Variants in BRIP1 observed in about 807,000 individuals in gnomAD.
BRIP1 encodes Fanconi anemia group J protein.
In BRIP1, 88 loss-of-function variants were observed where a neutral mutation model predicts 119.7. That is an observed-to-expected ratio of 0.74 (90% CI 0.62 to 0.88). The LOEUF is 0.88. Among genes scored for constraint, BRIP1 ranks in the 40% least tolerant of loss-of-function variants. The pLI is 0.00. For synonymous variants in BRIP1, 443 were observed against 496.5 expected, an observed-to-expected ratio of 0.89 and a Z score of 1.43; for missense variants, 1,259 against 1,455.4, an observed-to-expected ratio of 0.87 and a Z score of 2.20.
At position 61,796,605 on chromosome 17, in the gene BRIP1, T is replaced by C. The variant is rs143705675; in HGVS notation, c.1340+2495A>G. The stretch of plus-strand genomic sequence containing the variant: ...TTTCTGAGTTCTCTATTCTGTTCCA[T>C]TGATCTGTGTGTCTGTTTTTATGCC... On this transcript the variant is annotated intron_variant, in intron 9 of 19. Coordinates refer to ENST00000259008, the MANE Select transcript of BRIP1 (RefSeq NM_032043.3). This position sits in a 1 kb window ranked among gnomAD's most constrained non-coding sequence, Gnocchi z 4.8. Among the ~76,000 whole-genome samples the C allele has an allele frequency of 5.6e-3, 852 of 152,200 alleles. 8 individuals carry two copies. The highest frequency in any genetic ancestry group is 0.019 in the African/African-American group (803 of 41,566).
chr17:61,693,679 A>G lies in BRIP1; in HGVS notation c.2493-167T>C, dbSNP rs115344874. On this transcript the variant is annotated intron_variant, in intron 17 of 19. Transcript: ENST00000259008. This position sits in a 1 kb window ranked among gnomAD's most constrained non-coding sequence, Gnocchi z 4.2. ...GCTATCCAACACAATGTAACAAACT[A>G]GATGTATTAAAAATTCCCTACTTTT... Among the ~76,000 whole-genome samples the G allele has an allele frequency of 2.7e-3, 407 of 152,302 alleles. 1 individual carries two copies. Among genetic ancestry groups the G allele is most frequent in the Middle Eastern group, 0.01 (3 of 294 alleles).
chr17:61,849,773 C>T (rs1209508760), intron 4 of BRIP1, among the ~76,000 whole-genome samples: 1 of 152,148 alleles, frequency 6.6e-6, no homozygotes, highest in African/African-American at 2.4e-5. Context: ...CAAATGTGAA[C>T]ACTAGGTTTT....
Position 61,725,392 on chromosome 17 carries a change from T to C in BRIP1, c.2380-9329A>G, listed in dbSNP as rs944362173. Among the ~76,000 whole-genome samples, 19 of 152,310 alleles carry C rather than the reference T, an allele frequency of 1.2e-4. No individual in the cohort carries two copies. The highest frequency in any genetic ancestry group is 1.2e-3 in the Admixed American group (19 of 15,288). On this transcript the variant is annotated intron_variant, in intron 16 of 19. Coordinates refer to ENST00000259008, the MANE Select transcript of BRIP1 (RefSeq NM_032043.3). The surrounding 1 kb of genome is among the most constrained non-coding windows in gnomAD (Gnocchi z 5.3). The stretch of plus-strand genomic sequence containing the variant: ...GTGCTTTTTTTGGTAGAGAAATCTA[T>C]ATTAAACTTAGTATCGCTAATTGTC...
Position 61,776,394 on chromosome 17 carries a change from C to T in BRIP1, c.2097+7G>A, listed in dbSNP as rs4988352. 4,717 of 1,613,980 alleles carry T rather than the reference C, an allele frequency of 2.9e-3. 14 individuals are homozygous for T. The highest frequency in any genetic ancestry group is 3.6e-3 in the Non-Finnish European group (4,273 of 1,179,894). On this transcript the variant is annotated splice_region_variant and intron_variant, in intron 14 of 19. Coordinates refer to ENST00000259008, the MANE Select transcript of BRIP1 (RefSeq NM_032043.3). The surrounding 1 kb of genome is among the most constrained non-coding windows in gnomAD (Gnocchi z 5.0). The stretch of plus-strand genomic sequence containing the variant: ...AAAGGCAAAAGAAACAATAAATATT[C>T]CCTTACCTTGTAAGATGGCAAGAAA...
chr17:61,768,905 A>G lies in BRIP1; in HGVS notation c.2097+7496T>C, dbSNP rs1197901820. On this transcript the variant is annotated intron_variant, in intron 14 of 19. Coordinates refer to ENST00000259008, the MANE Select transcript of BRIP1 (RefSeq NM_032043.3). The surrounding 1 kb of genome is among the most constrained non-coding windows in gnomAD (Gnocchi z 5.0). The stretch of plus-strand genomic sequence containing the variant: ...TAAAAGTCCTTAAAAGATACAATGC[A>G]CCCCTACAGAAGAGACACCTTTGTT... Among the ~76,000 whole-genome samples the G allele has an allele frequency of 6.6e-6, 1 of 151,990 alleles. No homozygotes were observed. Among genetic ancestry groups the G allele is most frequent in the Non-Finnish European group, 1.5e-5 (1 of 68,006 alleles).
intron 11 of BRIP1, among the ~76,000 whole-genome samples, chr17:61,781,874 T>C (rs1293107511): frequency 6.9e-6 from 1 of 145,718 alleles, no homozygotes; most frequent in African/African-American, 2.6e-5. Context: ...TGAGCTGAGA[T>C]AGCGCCACTG....
chr17:61,688,841 T>C (rs2061400756), intron 18 of BRIP1, among the ~76,000 whole-genome samples: 1 of 145,996 alleles, frequency 6.8e-6, no homozygotes, highest in South Asian at 2.1e-4. Context: ...GAAAATAATA[T>C]AGAAAAAAAG....
Position 61,686,202 on chromosome 17 carries a change from C to T in BRIP1, c.2576-37G>A, listed in dbSNP as rs201636870. ...GGTAAACCCAGGGAAAATTTGGTTACTTAGTTATTAAAATATTACATGCTA... is the reference window on the plus strand; with the variant it reads ...GGTAAACCCAGGGAAAATTTGGTTATTTAGTTATTAAAATATTACATGCTA... On this transcript the variant is annotated intron_variant, in intron 18 of 19. Coordinates refer to ENST00000259008, the MANE Select transcript of BRIP1 (RefSeq NM_032043.3). The surrounding 1 kb of genome is among the most constrained non-coding windows in gnomAD (Gnocchi z 5.4). 4.0e-5 allele frequency: 63 copies of T among 1,582,138 alleles called. No individual in the cohort carries two copies. In the East Asian group the frequency reaches 1.3e-3, roughly 31 times the overall value.
At chr17:61,837,209 A>G (rs969440740) in intron 6 of BRIP1, among the ~76,000 whole-genome samples, 1 of 152,244 alleles carries the variant, frequency 6.6e-6, no homozygotes, top group African/African-American at 2.4e-5. Flanking sequence ...TGTCTGGCAC[A>G]TAACACAGTA....
rs2077018684 is a variant in BRIP1 at position 61,743,766 on chromosome 17, C to A, written c.2258-632G>T. On this transcript the variant is annotated intron_variant, in intron 15 of 19. Transcript: ENST00000259008. The surrounding 1 kb of genome is among the most constrained non-coding windows in gnomAD (Gnocchi z 4.3). ...GCAGTGGCACAATCACAGCTCACTGCAGCCTTGACCTCCTGGGCTCAGGTA... is the reference window on the plus strand; with the variant it reads ...GCAGTGGCACAATCACAGCTCACTGAAGCCTTGACCTCCTGGGCTCAGGTA... 6.6e-6 allele frequency among the ~76,000 whole-genome samples: 1 copy of A among 152,192 alleles called. No individual in the cohort carries two copies. The highest frequency in any genetic ancestry group is 2.1e-4 in the South Asian group (1 of 4,824).
chr17:61,859,634 A>G lies in BRIP1; in HGVS notation c.205+162T>C, dbSNP rs191637671. On this transcript the variant is annotated intron_variant, in intron 3 of 19. Coordinates refer to ENST00000259008, the MANE Select transcript of BRIP1 (RefSeq NM_032043.3). The stretch of plus-strand genomic sequence containing the variant: ...GCATTAATTAAACATATTTTGCTAT[A>G]TTGAAACTCTTTTGGAAGATTTATA... Among the ~76,000 whole-genome samples the G allele has an allele frequency of 7.3e-3, 1,111 of 152,374 alleles. 3 individuals are homozygous for G. Among genetic ancestry groups the G allele is most frequent in the Non-Finnish European group, 0.011 (716 of 68,038 alleles).
chr17:61,838,522 C>A, intron 6 of BRIP1, among the ~76,000 whole-genome samples: 1 of 149,838 alleles, frequency 6.7e-6, no homozygotes, highest in Admixed American at 6.7e-5. Context: ...CCAGCCTGGG[C>A]GACAGAGCGA....
In BRIP1 at chr17:61,725,726, A is replaced by G. The variant is rs537658279; in HGVS notation, c.2380-9663T>C. The stretch of plus-strand genomic sequence containing the variant: ...AACCTCCAACTCCTGGGTTCAAGCA[A>G]TCATTCTGCTTCAGCCTCCTCAGTA... On this transcript the variant is annotated intron_variant, in intron 16 of 19. Transcript: ENST00000259008. The surrounding 1 kb of genome is among the most constrained non-coding windows in gnomAD (Gnocchi z 5.3). Among the ~76,000 whole-genome samples, 9 of 152,202 alleles carry G rather than the reference A, an allele frequency of 5.9e-5. No individual in the cohort carries two copies. In the South Asian group the frequency reaches 1.7e-3, roughly 28 times the overall value.
chr17:61,689,828 T>C lies in BRIP1; in HGVS notation c.2575+3602A>G, dbSNP rs1315786860. 2.6e-5 allele frequency among the ~76,000 whole-genome samples: 4 copies of C among 151,902 alleles called. No individual in the cohort carries two copies. Among genetic ancestry groups the C allele is most frequent in the African/African-American group, 7.3e-5 (3 of 41,356 alleles). ...GAGTTTGAGATTAGCCTGGGCAACA[T>C]AGTGAGACCCCATCTCTACAAAAAA... On this transcript the variant is annotated intron_variant, in intron 18 of 19. Transcript: ENST00000259008. This position sits in a 1 kb window ranked among gnomAD's most constrained non-coding sequence, Gnocchi z 4.5.
At chr17:61,837,502 A>T (rs1224617982) in intron 6 of BRIP1, among the ~76,000 whole-genome samples, 2 of 152,172 alleles carry the variant, frequency 1.3e-5, no homozygotes, top group Admixed American at 1.3e-4. Context: ...AAATATAATT[A>T]CTTTAATTAA....
chr17:61,687,444 GCA>G lies in BRIP1; in HGVS notation c.2576-1281_2576-1280del, dbSNP rs2061378704. Among the ~76,000 whole-genome samples, 1 of 151,910 alleles carries G rather than the reference GCA, an allele frequency of 6.6e-6. No individual in the cohort carries two copies. Among genetic ancestry groups the G allele is most frequent in the Admixed American group, 6.6e-5 (1 of 15,240 alleles). Reference sequence around the variant, plus strand: ...TAGTTACTGTTTGACCTATGCTACTGCACACTTTACGTGGAAAGGGAAGATAA... The same window carrying G: ...TAGTTACTGTTTGACCTATGCTACTGCACTTTACGTGGAAAGGGAAGATAA... On this transcript the variant is annotated intron_variant, in intron 18 of 19. Transcript: ENST00000259008. This position sits in a 1 kb window ranked among gnomAD's most constrained non-coding sequence, Gnocchi z 5.1.
rs2061380810 is a variant in BRIP1 at position 61,687,609 on chromosome 17, TA to T, written c.2576-1445del. Among the ~76,000 whole-genome samples, 2 of 152,168 alleles carry T rather than the reference TA, an allele frequency of 1.3e-5. No individual in the cohort carries two copies. Among genetic ancestry groups the T allele is most frequent in the Admixed American group, 1.3e-4 (2 of 15,274 alleles). Reference sequence around the variant, plus strand: ...AAAATTTAACATCTCTTTATTATAATAAAATGTATTTTTTTTTTAGCTAAAA... The same window carrying T: ...AAAATTTAACATCTCTTTATTATAATAAATGTATTTTTTTTTTAGCTAAAA... On this transcript the variant is annotated intron_variant, in intron 18 of 19. Transcript: ENST00000259008. The surrounding 1 kb of genome is among the most constrained non-coding windows in gnomAD (Gnocchi z 5.1).
rs2061585557 is a variant in BRIP1 at position 61,699,833 on chromosome 17, T to C, written c.2493-6321A>G. Among the ~76,000 whole-genome samples, 1 of 152,230 alleles carries C rather than the reference T, an allele frequency of 6.6e-6. No homozygotes were observed. Among genetic ancestry groups the C allele is most frequent in the Non-Finnish European group, 1.5e-5 (1 of 68,036 alleles). On this transcript the variant is annotated intron_variant, in intron 17 of 19. Transcript: ENST00000259008. The surrounding 1 kb of genome is among the most constrained non-coding windows in gnomAD (Gnocchi z 4.8). The stretch of plus-strand genomic sequence containing the variant: ...GAGAGTCTAGTCTTCTGGAAACTGC[T>C]AGGCAGAGGCTGCCTATATGACCAG...
In BRIP1 at chr17:61,680,940, G is replaced by A. The variant is rs2061261925; in HGVS notation, c.*2356C>T. On this transcript the variant is annotated 3_prime_UTR_variant, in exon 20 of 20. Coordinates refer to ENST00000259008, the MANE Select transcript of BRIP1 (RefSeq NM_032043.3). Reference sequence around the variant, plus strand: ...GACTGGGTAATTTATAAAGGAAAGAGGTTTAATTGACTCACAGTTCTGCAT... The same window carrying A: ...GACTGGGTAATTTATAAAGGAAAGAAGTTTAATTGACTCACAGTTCTGCAT... Among the ~76,000 whole-genome samples, 1 of 152,174 alleles carries A rather than the reference G, an allele frequency of 6.6e-6. No homozygotes were observed. The highest frequency in any genetic ancestry group is 2.1e-4 in the South Asian group (1 of 4,826).
Sources: gnomAD v4.1 joint callset for allele counts (sites outside exome capture counted in the v4.1 genomes callset) on GRCh38, gnomAD v4.1.1 for gene constraint, Gnocchi (gnomAD v3.1) non-coding constraint, MANE v1.5 for transcripts, NCBI Gene and HGNC (gene_info 2026-07-23, HGNC 2026-07-21) for gene names.